Variants in FBN1 observed in about 807,000 individuals in gnomAD.
FBN1 encodes the protein fibrillin-1.
A neutral mutation model predicts 365.1 loss-of-function variants in FBN1; 29 were observed. The observed-to-expected ratio is 0.08, with a 90% CI of 0.06 to 0.11. The LOEUF is 0.11. Ranked by LOEUF, FBN1 falls within the 10% of genes least tolerant of loss-of-function variation. FBN1 has a pLI of 1.00. For missense variants in FBN1, 2,476 were observed against 3,703.2 expected, an observed-to-expected ratio of 0.67 and a Z score of 8.60; for synonymous variants, 1,210 against 1,270.5, an observed-to-expected ratio of 0.95 and a Z score of 1.01.
intron 43 of FBN1, among the ~76,000 whole-genome samples, chr15:48,457,216 T>C (rs1381171858): frequency 2.0e-5 from 3 of 152,120 alleles, no homozygotes; most frequent in Admixed American, 6.5e-5. Context: ...TAACTCCCCC[T>C]TCCTACTTCA....
At chr15:48,441,081 T>C (rs1337942975) in intron 50 of FBN1, among the ~76,000 whole-genome samples, 2 of 152,168 alleles carry the variant, frequency 1.3e-5, no homozygotes, top group Non-Finnish European at 2.9e-5. Context: ...GTCTAAACAG[T>C]TTTCTGGGAC....
At chr15:48,481,511 G>A (rs1336986310) in intron 32 of FBN1, 144 bp downstream of exon 32, 1 of 918,400 alleles carries the variant, frequency 1.1e-6, no homozygotes, top group Non-Finnish European at 1.6e-6. Flanking sequence ...CAAAGAAGTG[G>A]AAGCTAAATT....
At chr15:48,583,456 A>C (rs1348611212) in intron 6 of FBN1, among the ~76,000 whole-genome samples, 1 of 152,134 alleles carries the variant, frequency 6.6e-6, no homozygotes, top group East Asian at 1.9e-4. Context: ...ATCCAACCTG[A>C]CCAGGCCGTA....
At chr15:48,441,898 C>G in intron 49 of FBN1, 52 bp from the exon 50 acceptor site, 1 of 1,601,288 alleles carries the variant, frequency 6.2e-7, no homozygotes, top group Non-Finnish European at 8.5e-7. Context: ...GAGACATCAT[C>G]AGGTACCAAA....
At chr15:48,417,485 C>T (rs1030923069) in intron 63 of FBN1, among the ~76,000 whole-genome samples, 1 of 140,670 alleles carries the variant, frequency 7.1e-6, no homozygotes, top group Admixed American at 7.6e-5. Context: ...TCCTTCCTTC[C>T]TTCTCTCCTC....
intron 6 of FBN1, among the ~76,000 whole-genome samples, chr15:48,591,405 A>C (rs557414137): frequency 1.6e-4 from 24 of 152,366 alleles, no homozygotes; most frequent in African/African-American, 5.5e-4. Flanking sequence ...TATTACAAGA[A>C]AATGATATAA....
rs148382301 is a variant in FBN1, at chr15:48,550,700, G to A, written c.539-12892C>T. ...TCACGGTGCTGTTTCTCTTCCACAC[G>A]TCTTTGCAAATGCCATCTCCTCTAC... On this transcript the variant is annotated intron_variant, in intron 6 of 65. Coordinates refer to ENST00000316623, the MANE Select transcript of FBN1 (RefSeq NM_000138.5). 1.9e-4 allele frequency among the ~76,000 whole-genome samples: 29 copies of A among 152,018 alleles called. No individual in the cohort carries two copies. The East Asian group carries it at 4.7e-3, about 24-fold the overall frequency.
chr15:48,642,588 A>G (rs1314921315), intron 2 of FBN1: 2 of 152,176 alleles, frequency 1.3e-5, no homozygotes, highest in African/African-American at 2.4e-5. Flanking sequence ...ATAGAAAAAT[A>G]CACAAGAAAA....
In FBN1 at chr15:48,487,177, C is replaced by T. The variant is rs1481457003; in HGVS notation, c.3487G>A (p.Ala1163Thr). The change falls in exon 29 of 66, where the codon GCA becomes ACA. Residue 1163 changes from alanine (A) to threonine (T), a missense_variant. Physicochemically the swap from Ala to Thr is moderately conservative, Grantham distance 58. Transcript: ENST00000316623. ...CIDINECELS[A>T]HLCPNGRCVN... The stretch of plus-strand genomic sequence containing the variant: ...CAACGGCCATTGGGGCACAGGTGTG[C>T]ACTCAGCTCACATTCATTGATGTCT... 14 of 1,614,186 alleles carry T rather than the reference C, an allele frequency of 8.7e-6. No individual in the cohort carries two copies. The highest frequency in any genetic ancestry group is 2.2e-5 in the South Asian group (2 of 91,084).
intron 65 of FBN1, 148 bp downstream of exon 65, chr15:48,412,421 G>A: frequency 1.2e-6 from 1 of 860,778 alleles, no homozygotes; most frequent in South Asian, 1.4e-5. Context: ...ACAGCCTCTT[G>A]TAAAATACAG....
intron 6 of FBN1, among the ~76,000 whole-genome samples, chr15:48,557,952 C>T (rs2044194298): frequency 6.6e-6 from 1 of 152,184 alleles, no homozygotes; most frequent in African/African-American, 2.4e-5. Context: ...GTAGGCTTCT[C>T]CTATGTGGCT....
intron 9 of FBN1, 25 bp from the exon 10 acceptor site, chr15:48,520,842 A>G (rs1217658213): frequency 1.2e-6 from 2 of 1,613,982 alleles, no homozygotes; most frequent in Non-Finnish European, 1.7e-6. Flanking sequence ...ACACATACAC[A>G]CACACACATC....
chr15:48,624,091 T>C (rs1439257465), intron 2 of FBN1, among the ~76,000 whole-genome samples: 3 of 151,952 alleles, frequency 2.0e-5, no homozygotes, highest in Non-Finnish European at 4.4e-5. Context: ...TTAAATCCTA[T>C]TGGAATCTTT....
chr15:48,554,305 C>A (rs936228650), intron 6 of FBN1, among the ~76,000 whole-genome samples: 9 of 152,180 alleles, frequency 5.9e-5, no homozygotes, highest in African/African-American at 2.2e-4. Flanking sequence ...TGCCCTCTTG[C>A]TCCCCAGGAT....
intron 2 of FBN1, among the ~76,000 whole-genome samples, chr15:48,637,092 CA>C (rs1456694002): frequency 6.6e-5 from 10 of 152,102 alleles, no homozygotes; most frequent in Non-Finnish European, 1.2e-4. Flanking sequence ...CTTTCACAAC[CA>C]ACTAGTCAAG....
At chr15:48,432,730 G>T in intron 55 of FBN1, 136 bp downstream of exon 55, 2 of 1,152,628 alleles carry the variant, frequency 1.7e-6, no homozygotes, top group Non-Finnish European at 2.5e-6. Flanking sequence ...AAACGTGGCA[G>T]TGACAACCCC....
chr15:48,458,317 T>C (rs2141262167), intron 43 of FBN1, among the ~76,000 whole-genome samples: 1 of 152,174 alleles, frequency 6.6e-6, no homozygotes, highest in Non-Finnish European at 1.5e-5. Context: ...AGATTTATTT[T>C]AGACCCTTTT....
At chr15:48,452,324 C>T (rs1028341240) in intron 45 of FBN1, among the ~76,000 whole-genome samples, 3 of 152,156 alleles carry the variant, frequency 2.0e-5, no homozygotes, top group African/African-American at 7.2e-5. Context: ...TCTATGTATG[C>T]GAATGATTTA....
intron 49 of FBN1, among the ~76,000 whole-genome samples, chr15:48,442,806 C>T (rs1383005238): frequency 2.0e-5 from 3 of 152,202 alleles, no homozygotes; most frequent in East Asian, 1.9e-4. Flanking sequence ...TGACTTTCAG[C>T]AGGAATTTTT....
Sources: allele counts gnomAD v4.1 joint callset (sites outside exome capture counted in the v4.1 genomes callset), GRCh38; gene constraint gnomAD v4.1.1; transcripts MANE v1.5; gene names NCBI Gene and HGNC (gene_info 2026-07-23, HGNC 2026-07-21).